Variants in GBA2 observed in about 807,000 individuals in gnomAD.
GBA2 encodes the protein glucosylceramidase beta 2, also known as non-lysosomal glucosylceramidase.
A neutral mutation model predicts 112.9 loss-of-function variants in GBA2; 79 were observed. The observed-to-expected ratio is 0.70, with a 90% confidence interval of 0.58 to 0.84. The LOEUF (loss-of-function observed/expected upper bound fraction) is 0.84. Ranked by LOEUF, GBA2 falls within the 40% of genes least tolerant of loss-of-function variation. GBA2 has a pLI of 0.00. For synonymous variants in GBA2, 403 were observed against 434.3 expected, an observed-to-expected ratio of 0.93 and a Z score of 0.90; for missense variants, 1,043 against 1,190.0, an observed-to-expected ratio of 0.88 and a Z score of 1.82.
At position 35,741,037 on chromosome 9, in the gene GBA2, C is replaced by T; in HGVS notation, c.814G>A (p.Val272Met). ...TCCCCTTCATTTTCCACATCCCACA[C>T]AAAGACTCCTACAGGCAGGCTGCTG... is the stretch of plus-strand genomic sequence containing the variant. Reference protein sequence around the residue: ...QDSSLPVGVFVWDVENEGDEA... With the variant: ...QDSSLPVGVFMWDVENEGDEA... Residue 272 changes from valine (V) to methionine (M), a missense_variant, in exon 5 of 17, where the codon GTG (valine) becomes ATG (methionine). Coordinates refer to ENST00000378103, the MANE Select transcript of GBA2 (RefSeq NM_020944.3). The surrounding 1 kb of genome is among the most constrained non-coding windows in gnomAD (Gnocchi z 4.6). 1.2e-6 allele frequency: 2 copies of T among 1,614,156 alleles called. No homozygotes were observed. The highest frequency in any genetic ancestry group is 1.7e-6 in the Non-Finnish European group (2 of 1,180,018).
chr9:35,737,728 T>G lies in GBA2; in HGVS notation c.2505+20A>C. Reference sequence around the variant, plus strand: ...GGCCAGGATACAGATGGTGGAGAGATGGGAAAAGGAGTGCATTACCTCTTG... The same window carrying G: ...GGCCAGGATACAGATGGTGGAGAGAGGGGAAAAGGAGTGCATTACCTCTTG... On this transcript the variant is annotated intron_variant, in intron 16 of 16. Transcript: ENST00000378103. This position sits in a 1 kb window ranked among gnomAD's most constrained non-coding sequence, Gnocchi z 4.1. The G allele has an allele frequency of 6.2e-7, 1 of 1,612,744 alleles. No homozygotes were observed. Among genetic ancestry groups the G allele is most frequent in the East Asian group, 2.2e-5 (1 of 44,862 alleles).
chr9:35,737,008 A>G lies in GBA2; in HGVS notation c.*161T>C. The G allele has an allele frequency of 1.9e-6, 2 of 1,076,944 alleles. No homozygotes were observed. 66.7% of individuals were successfully genotyped at this position (1,076,944 alleles called of 1,614,324 possible). On this transcript the variant is annotated 3_prime_UTR_variant, in exon 17 of 17. Coordinates refer to ENST00000378103, the MANE Select transcript of GBA2 (RefSeq NM_020944.3). This position sits in a 1 kb window ranked among gnomAD's most constrained non-coding sequence, Gnocchi z 4.1. ...TAAATAAGTGATTCTAATGCTGCCT[A>G]GGTCACCCTCAACCCCCATTTACTG...
Position 35,739,680 on chromosome 9 carries a change from C to A in GBA2, c.1530G>T (p.Met510Ile). ...DSLPEELGRN[M>I]CHLRPTLRDY... ...CCCGTAGGGTGGGGCGGAGGTGACACATGTTTCTGCCCAGCTCCTCTGGTA... is the reference window on the plus strand; with the variant it reads ...CCCGTAGGGTGGGGCGGAGGTGACAAATGTTTCTGCCCAGCTCCTCTGGTA... Residue 510 changes from methionine to isoleucine, a missense_variant, in exon 9 of 17, where the codon ATG (methionine) becomes ATT (isoleucine). Coordinates refer to ENST00000378103, the MANE Select transcript of GBA2 (RefSeq NM_020944.3). 1 of 1,614,126 alleles carries A rather than the reference C, an allele frequency of 6.2e-7. No homozygotes were observed.
Position 35,737,040 on chromosome 9 carries a change from T to C in GBA2, c.*129A>G, listed in dbSNP as rs963320399. On this transcript the variant is annotated 3_prime_UTR_variant, in exon 17 of 17. Coordinates refer to ENST00000378103, the MANE Select transcript of GBA2 (RefSeq NM_020944.3). The surrounding 1 kb of genome is among the most constrained non-coding windows in gnomAD (Gnocchi z 4.1). ...CCTCAACCCCCATTTACTGGCACAATTGGGTGGAGAGAAGGGAAGGGGTAT... is the reference window on the plus strand; with the variant it reads ...CCTCAACCCCCATTTACTGGCACAACTGGGTGGAGAGAAGGGAAGGGGTAT... 24 of 1,397,092 alleles carry C rather than the reference T, an allele frequency of 1.7e-5. No homozygotes were observed. In the Admixed American group the frequency reaches 2.2e-4, roughly 13 times the overall value. 86.5% of individuals were successfully genotyped at this position (1,397,092 alleles called of 1,614,324 possible).
At chr9:35,745,203 A>G (rs1265206720) in intron 1 of GBA2, among the ~76,000 whole-genome samples, 1 of 151,790 alleles carries the variant, frequency 6.6e-6, no homozygotes, top group East Asian at 1.9e-4. Flanking sequence ...GCTCACTGCA[A>G]ACTCCGCCTC....
Position 35,738,884 on chromosome 9 carries a change from G to A in GBA2, c.1815C>T (p.Arg605=), listed in dbSNP as rs557901946. ...IGDPDDEPWL[R]VNAYLIHDTA... ...TATCATGGATTAAATATGCATTGAC[G>A]CGGAGCCATGGTTCATCATCTGTGG... Residue 605 remains arginine, a synonymous_variant, in exon 12 of 17, where the codon CGC becomes CGT. Coordinates refer to ENST00000378103, the MANE Select transcript of GBA2 (RefSeq NM_020944.3). 5.6e-6 allele frequency: 9 copies of A among 1,613,960 alleles called. No individual in the cohort carries two copies. In the East Asian group the frequency reaches 6.7e-5, roughly 12 times the overall value.
chr9:35,738,139 G>A lies in GBA2; in HGVS notation c.2211C>T (p.Asn737=), dbSNP rs1250507188. 5 of 1,613,900 alleles carry A rather than the reference G, an allele frequency of 3.1e-6. No individual in the cohort carries two copies. The Admixed American group carries it at 5.0e-5, about 16-fold the overall frequency. Residue 737 remains asparagine (N), a synonymous_variant, in exon 15 of 17, where the codon AAC becomes AAT. Transcript: ENST00000378103. ...ERLLWNGRYY[N]YDSSSRPQSR... ...ACTGAGGCCGAGAGCTGCTGTCATA[G>A]TTGTAATAGCGGCCTGGAGTCGAGG...
Position 35,740,601 on chromosome 9 carries a change from C to T in GBA2, c.1054G>A (p.Ala352Thr). ...TAATTVTHIT[A>T]FDPDSTGQQV... ...TGCCCCGTGCTGTCAGGGTCAAAGGCTGTGATGTGGGTTACCGTGGTAGCT... is the reference window on the plus strand; with the variant it reads ...TGCCCCGTGCTGTCAGGGTCAAAGGTTGTGATGTGGGTTACCGTGGTAGCT... Residue 352 changes from alanine (A) to threonine (T), a missense_variant, in exon 6 of 17, where the codon GCC becomes ACC. By Grantham distance (58) the Ala-to-Thr change is moderately conservative. Transcript: ENST00000378103. The surrounding 1 kb of genome is among the most constrained non-coding windows in gnomAD (Gnocchi z 4.7). The T allele has an allele frequency of 1.9e-6, 3 of 1,614,006 alleles. No individual in the cohort carries two copies. The highest frequency in any genetic ancestry group is 2.5e-6 in the Non-Finnish European group (3 of 1,179,880).
chr9:35,739,247 G>T, intron 10 of GBA2, 68 bp downstream of exon 10: 1 of 1,142,200 alleles, frequency 8.8e-7, no homozygotes, highest in Non-Finnish European at 1.3e-6. Context: ...GAGACAATCT[G>T]AGGGACCACA....
chr9:35,748,327 G>C lies in GBA2; in HGVS notation c.359+19C>G. The C allele has an allele frequency of 3.4e-6, 5 of 1,451,006 alleles. No individual in the cohort carries two copies. Among genetic ancestry groups the C allele is most frequent in the Non-Finnish European group, 4.8e-6 (5 of 1,049,148 alleles). The allele number at this position is 1,451,006 out of a possible 1,614,324, so 89.9% of individuals were successfully genotyped here. ...ACAAAGTGAAGCCAAAGGCATTCTA[G>C]GCAATGGGGTCTACTCACCTCAAGC... On this transcript the variant is annotated intron_variant, in intron 1 of 16. Coordinates refer to ENST00000378103, the MANE Select transcript of GBA2 (RefSeq NM_020944.3).
chr9:35,740,241 G>A lies in GBA2; in HGVS notation c.1251C>T (p.Ile417=). 1 of 1,614,116 alleles carries A rather than the reference G, an allele frequency of 6.2e-7. No individual in the cohort carries two copies. Among genetic ancestry groups the A allele is most frequent in the Non-Finnish European group, 8.5e-7 (1 of 1,180,010 alleles). ...EFSLAWDMPR[I]MFGAKGQVHY... is the part of the protein sequence containing the mutation. ...GGACTTGGCCTTTAGCTCCAAACAT[G>A]ATCCTGGGCATGTCCCAAGCCAGTG... Residue 417 remains isoleucine (I), a synonymous_variant, in exon 7 of 17, where the codon ATC becomes ATT. Coordinates refer to ENST00000378103, the MANE Select transcript of GBA2 (RefSeq NM_020944.3). The surrounding 1 kb of genome is among the most constrained non-coding windows in gnomAD (Gnocchi z 4.7).
At position 35,737,359 on chromosome 9, in the gene GBA2, G is replaced by C; in HGVS notation, c.2594C>G (p.Ala865Gly). The change falls in exon 17 of 17, where the codon GCA becomes GGA. Residue 865 changes from alanine to glycine, a missense_variant. By Grantham distance (60) the Ala-to-Gly change is moderately conservative (BLOSUM62 0). Transcript: ENST00000378103. The surrounding 1 kb of genome is among the most constrained non-coding windows in gnomAD (Gnocchi z 4.1). The part of the protein sequence containing the change: ...RLGLAFQTPE[A>G]YCQQRVFRSL... Reference sequence around the variant, plus strand: ...GCGGAACACTCGCTGCTGGCAGTATGCCTCTGGGGTCTGGAAGGCCAGACC... The same window carrying C: ...GCGGAACACTCGCTGCTGGCAGTATCCCTCTGGGGTCTGGAAGGCCAGACC... 6.2e-7 allele frequency: 1 copy of C among 1,614,150 alleles called. No homozygotes were observed. Among genetic ancestry groups the C allele is most frequent in the South Asian group, 1.1e-5 (1 of 91,088 alleles).
rs142750362 is a variant in GBA2 at position 35,740,590 on chromosome 9, A to G, written c.1065T>C (p.Pro355=). 1.5e-5 allele frequency: 24 copies of G among 1,613,942 alleles called. No homozygotes were observed. Among genetic ancestry groups the G allele is most frequent in the Non-Finnish European group, 1.9e-5 (22 of 1,179,936 alleles). The change falls in exon 6 of 17, where the codon CCT becomes CCC. Residue 355 remains proline, a synonymous_variant. Transcript: ENST00000378103. The surrounding 1 kb of genome is among the most constrained non-coding windows in gnomAD (Gnocchi z 4.7). The part of the protein sequence containing the change: ...TTVTHITAFD[P]DSTGQQVWQD... Reference sequence around the variant, plus strand: ...GCCACACCTGCTGCCCCGTGCTGTCAGGGTCAAAGGCTGTGATGTGGGTTA... The same window carrying G: ...GCCACACCTGCTGCCCCGTGCTGTCGGGGTCAAAGGCTGTGATGTGGGTTA...
chr9:35,748,204 G>A lies in GBA2; in HGVS notation c.359+142C>T, dbSNP rs1230985013. On this transcript the variant is annotated intron_variant, in intron 1 of 16. Coordinates refer to ENST00000378103, the MANE Select transcript of GBA2 (RefSeq NM_020944.3). ...CCTGGTCTCACGGTCCAAAACCACA[G>A]GCCTAAAATATGCCAGGGATAGGGA... The A allele has an allele frequency of 1.1e-5, 7 of 614,608 alleles. No homozygotes were observed. The Admixed American group carries it at 1.7e-4, about 15-fold the overall frequency. The allele number at this position is 614,608 out of a possible 1,614,324, so 38.1% of individuals were successfully genotyped here. A position where few individuals can be genotyped will look rare whatever the true frequency, so the allele number is the denominator to read the frequency against.
In GBA2 at chr9:35,748,329, CAATGGGG is replaced by C. The variant is rs1588029989; in HGVS notation, c.359+10_359+16del. 1.4e-6 allele frequency: 2 copies of C among 1,465,774 alleles called. No homozygotes were observed. The highest frequency in any genetic ancestry group is 9.4e-7 in the Non-Finnish European group (1 of 1,060,784). 90.8% of individuals were successfully genotyped at this position (1,465,774 alleles called of 1,614,324 possible). ...AAAGTGAAGCCAAAGGCATTCTAGG[CAATGGGG>C]TCTACTCACCTCAAGCCCATGCCTA... On this transcript the variant is annotated intron_variant, in intron 1 of 16. Transcript: ENST00000378103.
rs754848763 is a variant in GBA2, at chr9:35,739,682, T to G, written c.1528A>C (p.Met510Leu). 13 of 1,613,966 alleles carry G rather than the reference T, an allele frequency of 8.1e-6. No individual in the cohort carries two copies. The highest frequency in any genetic ancestry group is 8.5e-6 in the Non-Finnish European group (10 of 1,179,888). ...CGTAGGGTGGGGCGGAGGTGACACATGTTTCTGCCCAGCTCCTCTGGTAGG... is the reference window on the plus strand; with the variant it reads ...CGTAGGGTGGGGCGGAGGTGACACAGGTTTCTGCCCAGCTCCTCTGGTAGG... ...DSLPEELGRNMCHLRPTLRDY... is the reference protein window; with the variant it reads ...DSLPEELGRNLCHLRPTLRDY... The change falls in exon 9 of 17, where the codon ATG (methionine) becomes CTG (leucine). Residue 510 changes from methionine (M) to leucine (L), a missense_variant. Coordinates refer to ENST00000378103, the MANE Select transcript of GBA2 (RefSeq NM_020944.3).
Position 35,739,024 on chromosome 9 carries a change from G to A in GBA2, c.1773C>T (p.Ile591=). The change falls in exon 11 of 17, where the codon ATC becomes ATT. Residue 591 remains isoleucine, a synonymous_variant. Transcript: ENST00000378103. ...TACCTGGGTCCCCAATATCATGGGG[G>A]ATGACGTTCCTCCTTTTCACAGGTG... ...VMAPVKRRNV[I]PHDIGDPDDE... is the part of the protein sequence containing the mutation. 1 of 1,613,142 alleles carries A rather than the reference G, an allele frequency of 6.2e-7. No homozygotes were observed. Among genetic ancestry groups the A allele is most frequent in the East Asian group, 2.2e-5 (1 of 44,862 alleles).
intron 3 of GBA2, among the ~76,000 whole-genome samples, chr9:35,742,949 C>T (rs967664880): frequency 7.2e-5 from 11 of 152,212 alleles, no homozygotes; most frequent in Admixed American, 1.3e-4. Flanking sequence ...AAAGTTGTGT[C>T]TGTACCGAAT....
chr9:35,741,071 G>T lies in GBA2; in HGVS notation c.787-7C>A. 1 of 1,613,892 alleles carries T rather than the reference G, an allele frequency of 6.2e-7. No individual in the cohort carries two copies. Among genetic ancestry groups the T allele is most frequent in the Non-Finnish European group, 8.5e-7 (1 of 1,179,976 alleles). On this transcript the variant is annotated splice_region_variant and splice_polypyrimidine_tract_variant and intron_variant, in intron 4 of 16. Transcript: ENST00000378103. The surrounding 1 kb of genome is among the most constrained non-coding windows in gnomAD (Gnocchi z 4.6). ...CTACAGGCAGGCTGCTGTCCTGGGG[G>T]CAGAAGATTAGACTCAGACGGTCCC...
Sources: gnomAD v4.1 joint callset for allele counts (sites outside exome capture counted in the v4.1 genomes callset) on GRCh38, gnomAD v4.1.1 for gene constraint, Gnocchi (gnomAD v3.1) non-coding constraint, MANE v1.5 for transcripts, NCBI Gene and HGNC (gene_info 2026-07-23, HGNC 2026-07-21) for gene names.